The following FTSJ1 variants were observed in gnomAD, a reference collection of about 807,000 sequenced individuals.
FTSJ1 encodes FtsJ RNA 2'-O-methyltransferase 1, also known as tRNA (cytidine(32)/guanosine(34)-2'-O)-methyltransferase.
A neutral mutation model predicts 28.5 loss-of-function variants in FTSJ1; 3 were observed. That is an observed-to-expected ratio of 0.11 (90% CI 0.05 to 0.27). The LOEUF is 0.27. Ranked by LOEUF, FTSJ1 falls within the 10% of genes least tolerant of loss-of-function variation. FTSJ1 has a pLI of 1.00. For missense variants in FTSJ1, 162 were observed against 279.0 expected, an observed-to-expected ratio of 0.58 and a Z score of 2.99; for synonymous variants, 104 against 113.9, an observed-to-expected ratio of 0.91 and a Z score of 0.55.
rs1291314126 is a variant in FTSJ1, at chrX:48,482,758, G to T, written c.921G>T (p.Leu307=). The change falls in exon 11 of 13, where the codon CTG becomes CTT. Residue 307 remains leucine (L), a synonymous_variant. Coordinates refer to ENST00000348411, the MANE Select transcript of FTSJ1 (RefSeq NM_012280.4). ...ISRVDTFPQP[L]AAPQCHTLLA... ...GAGTGGACACGTTTCCCCAGCCCCT[G>T]GCCGCCCCTCAGTGCCACACCCTGC... The T allele has an allele frequency of 1.7e-6, 2 of 1,206,722 alleles. No individual in the cohort carries two copies. The highest frequency in any genetic ancestry group is 2.2e-6 in the Non-Finnish European group (2 of 893,647).
chrX:48,477,395 T>C (rs1381732057), intron 1 of FTSJ1, among the ~76,000 whole-genome samples: 1 of 111,539 alleles, frequency 9.0e-6, no homozygotes, highest in Non-Finnish European at 1.9e-5. Context: ...ACCATGATTC[T>C]CCAGGCATTG....
At chrX:48,483,850 G>A (rs949811298) in intron 12 of FTSJ1, among the ~76,000 whole-genome samples, 6 of 110,629 alleles carry the variant, frequency 5.4e-5, no homozygotes, top group Admixed American at 9.7e-5. Flanking sequence ...TAATGTTTGA[G>A]CAAAGACCTG....
intron 1 of FTSJ1, chrX:48,476,675 A>G (rs1277156391): frequency 1.5e-5 from 2 of 132,515 alleles, no homozygotes; most frequent in Non-Finnish European, 3.0e-5. Flanking sequence ...TGAGGTATTG[A>G]TGAGGAGGGA....
At chrX:48,484,528 C>T (rs1455368498) in intron 12 of FTSJ1, among the ~76,000 whole-genome samples, 3 of 110,794 alleles carry the variant, frequency 2.7e-5, no homozygotes, top group East Asian at 2.8e-4. Context: ...GGATTACAGA[C>T]GTGTGCTCCC....
chrX:48,484,365 G>A (rs2061588804), intron 12 of FTSJ1, among the ~76,000 whole-genome samples: 1 of 109,549 alleles, frequency 9.1e-6, no homozygotes, highest in Admixed American at 9.7e-5. Flanking sequence ...CACCACACCT[G>A]GCCTTTTTTG....
At chrX:48,477,787 G>A (rs1468512833) in intron 1 of FTSJ1, among the ~76,000 whole-genome samples, 174 bp from the exon 2 acceptor site, 3 of 110,542 alleles carry the variant, frequency 2.7e-5, no homozygotes, top group East Asian at 5.6e-4. Flanking sequence ...TGATGGGGGC[G>A]AGGAGGGTCT....
intron 12 of FTSJ1, among the ~76,000 whole-genome samples, chrX:48,485,274 A>G (rs1416240194): frequency 1.8e-5 from 2 of 111,179 alleles, no homozygotes; most frequent in Non-Finnish European, 1.9e-5. Context: ...AGCCTGGGTG[A>G]CAGAGTCAGA....
In FTSJ1 at chrX:48,477,980, C is replaced by T; in HGVS notation, c.-68C>T. The T allele has an allele frequency of 8.3e-7, 1 of 1,207,250 alleles. No homozygotes were observed. The highest frequency in any genetic ancestry group is 1.1e-6 in the Non-Finnish European group (1 of 892,609). On this transcript the variant is annotated 5_prime_UTR_variant, in exon 2 of 13. Transcript: ENST00000348411. The stretch of plus-strand genomic sequence containing the variant: ...CTACAGAGGTAGGTGGTAGCCCATT[C>T]ATCTGGTTACTGATACTGGCCGGCA...
In FTSJ1 at chrX:48,483,117, A is replaced by G. The variant is rs186467511; in HGVS notation, c.*9+90A>G. The G allele has an allele frequency of 1.5e-4, 101 of 687,146 alleles. 1 individual carries two copies. The African/African-American group carries it at 1.8e-3, about 12-fold the overall frequency. The allele number at this position is 687,146 out of a possible 1,213,427, so 56.6% of individuals were successfully genotyped here. On this transcript the variant is annotated intron_variant, in intron 12 of 12. Transcript: ENST00000348411. ...TTTCACCTTTGAAATTTTTATGTCA[A>G]CTGATAAGATTTTAATCAACAAACC...
chrX:48,478,584 A>G lies in FTSJ1; in HGVS notation c.192-33A>G, dbSNP rs782294052. ...GCTGGGTGGGAGGGGCCCGGGAGCG[A>G]AACTAGGCTGATGTGGGCCATGTTG... is the stretch of plus-strand genomic sequence containing the variant. On this transcript the variant is annotated intron_variant, in intron 3 of 12. Coordinates refer to ENST00000348411, the MANE Select transcript of FTSJ1 (RefSeq NM_012280.4). 1.8e-5 allele frequency: 22 copies of G among 1,196,025 alleles called. 1 individual carries two copies. In the Admixed American group the frequency reaches 4.4e-4, roughly 24 times the overall value.
At chrX:48,482,840 G>A in intron 11 of FTSJ1, 46 bp downstream of exon 11, 3 of 1,205,175 alleles carry the variant, frequency 2.5e-6, no homozygotes, top group Non-Finnish European at 3.4e-6. Context: ...TTCCCCGTGT[G>A]CCTTTTTCTG....
At position 48,478,517 on chromosome X, in the gene FTSJ1, G is replaced by A. The variant is rs148812911; in HGVS notation, c.190G>A (p.Gly64Arg). ...GAGCCAGGTGCTGAGCCAGAAGATC[G>A]GGTAAGTGTGGGGGTCCCAGATGGG... ...SWSQVLSQKI[G>R]GQGSGHVVAV... The change falls in exon 3 of 13, where the codon GGG becomes AGG. Residue 64 changes from glycine (G) to arginine (R), a missense_variant and splice_region_variant. Gly to Arg is a moderately radical substitution (Grantham distance 125). Coordinates refer to ENST00000348411, the MANE Select transcript of FTSJ1 (RefSeq NM_012280.4). The A allele has an allele frequency of 1.1e-4, 135 of 1,206,978 alleles. No individual in the cohort carries two copies. The highest frequency in any genetic ancestry group is 8.6e-4 in the African/African-American group (49 of 57,179).
chrX:48,476,294 C>T lies in FTSJ1; in HGVS notation c.-190C>T, dbSNP rs1335119656. On this transcript the variant is annotated 5_prime_UTR_variant, in exon 1 of 13. Transcript: ENST00000348411. Reference sequence around the variant, plus strand: ...CCATAGGCTTGCCCCCCCGGGCATTCGGGTGGACTACGAACACAAACTGAA... The same window carrying T: ...CCATAGGCTTGCCCCCCCGGGCATTTGGGTGGACTACGAACACAAACTGAA... The T allele has an allele frequency of 6.0e-5, 18 of 297,647 alleles. No homozygotes were observed. Among genetic ancestry groups the T allele is most frequent in the Non-Finnish European group, 9.4e-5 (16 of 170,290 alleles). 24.5% of individuals were successfully genotyped at this position (297,647 alleles called of 1,213,427 possible). A position where few individuals can be genotyped will look rare whatever the true frequency, so the allele number is the denominator to read the frequency against.
At chrX:48,479,222 C>T in intron 5 of FTSJ1, 106 bp downstream of exon 5, 2 of 547,616 alleles carry the variant, frequency 3.7e-6, no homozygotes, top group Non-Finnish European at 6.6e-6. Flanking sequence ...TACTCCCTGC[C>T]TCTCCCTTCC....
At chrX:48,483,075 G>T (rs1387455723) in intron 12 of FTSJ1, 48 bp downstream of exon 12, 1 of 982,696 alleles carries the variant, frequency 1.0e-6, no homozygotes, top group African/African-American at 1.9e-5. Flanking sequence ...CAACCTTTAT[G>T]AAAAACCTCA....
chrX:48,476,510 A>G, intron 1 of FTSJ1, 114 bp downstream of exon 1: 2 of 278,234 alleles, frequency 7.2e-6, no homozygotes, highest in East Asian at 5.1e-5. Flanking sequence ...GTAGCTGTGT[A>G]TGGTTCGGGC....
chrX:48,479,865 C>G (rs1479221363), intron 5 of FTSJ1, among the ~76,000 whole-genome samples: 1 of 110,440 alleles, frequency 9.1e-6, no homozygotes, highest in East Asian at 2.9e-4. Context: ...GTGAGGAGGC[C>G]GGGCACAGTG....
intron 5 of FTSJ1, among the ~76,000 whole-genome samples, chrX:48,479,840 C>T (rs1404953205): frequency 9.1e-6 from 1 of 110,012 alleles, no homozygotes; most frequent in Non-Finnish European, 1.9e-5. Flanking sequence ...GAGACCCTCT[C>T]TCTAAAAAAA....
At position 48,478,765 on chromosome X, in the gene FTSJ1, T is replaced by C. The variant is rs782039560; in HGVS notation, c.282+58T>C. 44 of 821,465 alleles carry C rather than the reference T, an allele frequency of 5.4e-5. No individual in the cohort carries two copies. In the African/African-American group the frequency reaches 7.5e-4, roughly 14 times the overall value. 67.7% of individuals were successfully genotyped at this position (821,465 alleles called of 1,213,427 possible). On this transcript the variant is annotated intron_variant, in intron 4 of 12. Transcript: ENST00000348411. Reference sequence around the variant, plus strand: ...CCTGGGTGAAGGCCCTTACCTGGGGTCTATGCAGAGTGGAAGAGAAACAGA... The same window carrying C: ...CCTGGGTGAAGGCCCTTACCTGGGGCCTATGCAGAGTGGAAGAGAAACAGA...
Sources: gnomAD v4.1 joint callset for allele counts (sites outside exome capture counted in the v4.1 genomes callset) on GRCh38, gnomAD v4.1.1 for gene constraint, MANE v1.5 for transcripts, NCBI Gene and HGNC (gene_info 2026-07-23, HGNC 2026-07-21) for gene names.